The following RFX3 variants were observed in gnomAD, a reference collection of about 807,000 sequenced individuals.
RFX3 encodes transcription factor RFX3.
A neutral mutation model predicts 98.6 loss-of-function variants in RFX3; 14 were observed. The ratio of observed to expected loss-of-function variants is 0.14; its 90% CI spans 0.09 to 0.22. The LOEUF (loss-of-function observed/expected upper bound fraction) is 0.22. RFX3 is among the 10% of genes least tolerant of loss of function. RFX3 has a pLI of 1.00. For synonymous variants in RFX3, 383 were observed against 328.4 expected, an observed-to-expected ratio of 1.17 and a Z score of -1.80; for missense variants, 639 against 926.9, an observed-to-expected ratio of 0.69 and a Z score of 4.03.
At chr9:3,493,838 C>T (rs1850923736) in intron 1 of RFX3, among the ~76,000 whole-genome samples, 1 of 151,520 alleles carries the variant, frequency 6.6e-6, no homozygotes, top group Non-Finnish European at 1.5e-5. Flanking sequence ...ACAAGCTCTT[C>T]CAACTCTTTA....
chr9:3,443,253 T>C (rs1312406785), intron 1 of RFX3, among the ~76,000 whole-genome samples: 1 of 152,186 alleles, frequency 6.6e-6, no homozygotes, highest in South Asian at 2.1e-4. Context: ...GTTTGTTACA[T>C]AGGTAAATGT....
chr9:3,242,090 C>G (rs1285534201), intron 15 of RFX3, among the ~76,000 whole-genome samples: 3 of 152,132 alleles, frequency 2.0e-5, no homozygotes, highest in African/African-American at 7.2e-5. Context: ...TTAAGCCCAT[C>G]CCATTTGACT....
At chr9:3,512,162 T>A (rs1483017578) in intron 1 of RFX3, among the ~76,000 whole-genome samples, 1 of 152,080 alleles carries the variant, frequency 6.6e-6, no homozygotes, top group Non-Finnish European at 1.5e-5. Flanking sequence ...TATTTTGTTT[T>A]AAACATAAGC....
chr9:3,490,623 A>T (rs1347281763), intron 1 of RFX3, among the ~76,000 whole-genome samples: 2 of 152,114 alleles, frequency 1.3e-5, no homozygotes, highest in Admixed American at 1.3e-4. Context: ...GTATTGTAAT[A>T]ATAAGAAATA....
intron 1 of RFX3, among the ~76,000 whole-genome samples, chr9:3,465,260 T>C (rs1848099258): frequency 6.6e-6 from 1 of 152,042 alleles, no homozygotes; most frequent in African/African-American, 2.4e-5. Flanking sequence ...TCGTGGCAAA[T>C]ATAAACCATT....
chr9:3,256,935 C>T, intron 14 of RFX3, 56 bp downstream of exon 14: 1 of 1,472,162 alleles, frequency 6.8e-7, no homozygotes, highest in South Asian at 1.1e-5. Flanking sequence ...CAAACACATA[C>T]ACACACATAT....
intron 1 of RFX3, among the ~76,000 whole-genome samples, chr9:3,400,660 T>C (rs1290457420): frequency 3.3e-5 from 5 of 152,236 alleles, no homozygotes; most frequent in African/African-American, 1.2e-4. Flanking sequence ...TTTGCCAAGC[T>C]TTATGACATT....
At chr9:3,502,092 A>G (rs1323121350) in intron 1 of RFX3, among the ~76,000 whole-genome samples, 2 of 151,572 alleles carry the variant, frequency 1.3e-5, no homozygotes, top group East Asian at 3.9e-4. Flanking sequence ...TCCACTAAAA[A>G]AAAAAAAATA....
At chr9:3,234,830 A>T (rs493667) in intron 15 of RFX3, among the ~76,000 whole-genome samples, 2 of 152,092 alleles carry the variant, frequency 1.3e-5, no homozygotes, top group Non-Finnish European at 2.9e-5. Flanking sequence ...GGAACAGAAG[A>T]TTTTTATCTT....
intron 3 of RFX3, among the ~76,000 whole-genome samples, chr9:3,330,904 T>C (rs956668238): frequency 1.2e-4 from 18 of 152,200 alleles, no homozygotes; most frequent in African/African-American, 4.3e-4. Flanking sequence ...GTGTGAGTAG[T>C]TGACTTAGCT....
intron 2 of RFX3, among the ~76,000 whole-genome samples, chr9:3,360,605 T>C (rs749736214): frequency 1.3e-5 from 2 of 152,156 alleles, no homozygotes; most frequent in Non-Finnish European, 2.9e-5. Context: ...AACACTCTCT[T>C]ACTGATGCAT....
At chr9:3,344,602 A>C (rs1461648938) in intron 3 of RFX3, 3 of 519,300 alleles carry the variant, frequency 5.8e-6, no homozygotes, top group African/African-American at 3.9e-5. Context: ...ACCCATTTCA[A>C]CTGCCCTTTT....
intron 15 of RFX3, among the ~76,000 whole-genome samples, chr9:3,239,088 A>G (rs1586692213): frequency 6.6e-6 from 1 of 152,178 alleles, no homozygotes; most frequent in Non-Finnish European, 1.5e-5. Flanking sequence ...GTGAAAAGAA[A>G]CATCTTGAAA....
At chr9:3,311,021 G>C (rs1047848575) in intron 4 of RFX3, among the ~76,000 whole-genome samples, 3 of 152,158 alleles carry the variant, frequency 2.0e-5, no homozygotes, top group Non-Finnish European at 4.4e-5. Context: ...GTTTTAACTA[G>C]ATAGTTAAAT....
chr9:3,226,308 C>G (rs1195446670), intron 16 of RFX3, among the ~76,000 whole-genome samples: 1 of 152,186 alleles, frequency 6.6e-6, no homozygotes, highest in East Asian at 1.9e-4. Context: ...TTGGCAGACA[C>G]CCACAGCAAA....
chr9:3,501,072 T>G (rs1347395238), intron 1 of RFX3, among the ~76,000 whole-genome samples: 1 of 152,184 alleles, frequency 6.6e-6, no homozygotes. Context: ...TATAATTAAG[T>G]GTGGCATTCG....
chr9:3,514,542 G>C (rs963612868), intron 1 of RFX3, among the ~76,000 whole-genome samples: 3 of 151,940 alleles, frequency 2.0e-5, no homozygotes, highest in Admixed American at 6.6e-5. Flanking sequence ...CCTCCACCTC[G>C]AGGGCTGAAG....
intron 2 of RFX3, among the ~76,000 whole-genome samples, chr9:3,380,554 G>GT (rs1839074284): frequency 6.6e-6 from 1 of 152,170 alleles, no homozygotes; most frequent in Non-Finnish European, 1.5e-5. Flanking sequence ...CATATAGCTT[G>GT]TAAGTGGCAG....
intron 16 of RFX3, 132 bp from the exon 17 acceptor site, chr9:3,225,412 T>C (rs1461237450): frequency 1.5e-6 from 2 of 1,353,692 alleles, no homozygotes; most frequent in Admixed American, 5.5e-5. Context: ...GAAACAAAGC[T>C]TAGAGGTTTT....
Sources: allele counts gnomAD v4.1 joint callset (sites outside exome capture counted in the v4.1 genomes callset), GRCh38; gene constraint gnomAD v4.1.1; transcripts MANE v1.5; gene names NCBI Gene and HGNC (gene_info 2026-07-23, HGNC 2026-07-21).